Variants in PARD3 observed in about 807,000 individuals in gnomAD.
The protein encoded by PARD3 is partitioning defective 3 homolog.
In PARD3, 75 loss-of-function variants were observed where a neutral mutation model predicts 155.4. The ratio of observed to expected loss-of-function variants is 0.48; its 90% confidence interval spans 0.40 to 0.58. PARD3 has a LOEUF of 0.58. Ranked by LOEUF, PARD3 falls within the 20% of genes least tolerant of loss-of-function variation. The probability of loss-of-function intolerance (pLI) is 0.00; values close to 1 mark genes in which losing one functional copy is unlikely to be tolerated. For synonymous variants in PARD3, 576 were observed against 610.5 expected, an observed-to-expected ratio of 0.94 and a Z score of 0.83; for missense variants, 1,642 against 1,721.7, an observed-to-expected ratio of 0.95 and a Z score of 0.82.
intron 5 of PARD3, among the ~76,000 whole-genome samples, chr10:34,414,241 G>A (rs1845424052): frequency 6.6e-6 from 1 of 151,790 alleles, no homozygotes; most frequent in Non-Finnish European, 1.5e-5. Flanking sequence ...AAAGGGAGGG[G>A]GGAGAAACAA....
At chr10:34,142,302 G>A (rs1209219723) in intron 22 of PARD3, among the ~76,000 whole-genome samples, 1 of 152,122 alleles carries the variant, frequency 6.6e-6, no homozygotes, top group Non-Finnish European at 1.5e-5. Flanking sequence ...CAACACTTTG[G>A]GTGGCCAAGA....
chr10:34,304,784 C>T (rs1158224494), intron 20 of PARD3, among the ~76,000 whole-genome samples: 1 of 152,158 alleles, frequency 6.6e-6, no homozygotes, highest in Non-Finnish European at 1.5e-5. Context: ...TTATTGAAAA[C>T]AATGTTCTCT....
intron 20 of PARD3, among the ~76,000 whole-genome samples, chr10:34,303,162 ATTT>A (rs5784409): frequency 0.44 from 57,656 of 131,936 alleles, 11,638 homozygotes; most frequent in Middle Eastern, 0.58. Flanking sequence ...GCCCAGGTGA[ATTT>A]TTTTTTTTTT....
chr10:34,489,830 T>A (rs993732248), intron 3 of PARD3, among the ~76,000 whole-genome samples: 23 of 152,342 alleles, frequency 1.5e-4, no homozygotes, highest in African/African-American at 5.5e-4. Context: ...ACTGATCAAA[T>A]CCTCAGAATA....
intron 22 of PARD3, among the ~76,000 whole-genome samples, chr10:34,256,131 T>G (rs1258965240): frequency 6.6e-6 from 1 of 152,272 alleles, no homozygotes; most frequent in Non-Finnish European, 1.5e-5. Flanking sequence ...GTTCGGAATA[T>G]CATATCTTTC....
At chr10:34,115,864 C>G (rs1358879379) in intron 24 of PARD3, among the ~76,000 whole-genome samples, 1 of 152,038 alleles carries the variant, frequency 6.6e-6, no homozygotes, top group East Asian at 1.9e-4. Flanking sequence ...ACGCGCCCAC[C>G]ACCAAGCCTG....
intron 15 of PARD3, 106 bp from the exon 16 acceptor site, chr10:34,341,922 T>C: frequency 1.5e-6 from 1 of 654,610 alleles, no homozygotes; most frequent in East Asian, 2.7e-5. Flanking sequence ...ATTTTCCACA[T>C]ATCTGCTCAA....
intron 3 of PARD3, among the ~76,000 whole-genome samples, chr10:34,506,655 T>C (rs903754194): frequency 6.6e-6 from 1 of 152,222 alleles, no homozygotes; most frequent in African/African-American, 2.4e-5. Context: ...ATCACTTACA[T>C]GTTATTAATG....
intron 1 of PARD3, among the ~76,000 whole-genome samples, chr10:34,722,982 G>A (rs186881355): frequency 2.0e-5 from 3 of 152,210 alleles, no homozygotes; most frequent in African/African-American, 7.2e-5. Flanking sequence ...GGTACATGGA[G>A]GTATGTTATT....
chr10:34,714,835 T>C (rs1328022484), intron 1 of PARD3, among the ~76,000 whole-genome samples: 1 of 150,348 alleles, frequency 6.7e-6, no homozygotes, highest in Admixed American at 6.7e-5. Flanking sequence ...AGGGCAGTGG[T>C]GCATTCTTGG....
At chr10:34,726,494 AATC>A (rs200383985) in intron 1 of PARD3, among the ~76,000 whole-genome samples, 1,675 of 152,308 alleles carry the variant, frequency 0.011, 28 homozygotes, top group African/African-American at 0.039. Context: ...GCTGAGGCAG[AATC>A]GCTCGAGCCC....
At chr10:34,374,822 A>T in intron 11 of PARD3, 52 bp downstream of exon 11, 1 of 1,580,652 alleles carries the variant, frequency 6.3e-7, no homozygotes, top group Non-Finnish European at 8.6e-7. Flanking sequence ...ACTAACCCAG[A>T]CCCCTGGCTG....
intron 3 of PARD3, among the ~76,000 whole-genome samples, chr10:34,507,072 C>T (rs1308342252): frequency 6.6e-6 from 1 of 152,170 alleles, no homozygotes; most frequent in African/African-American, 2.4e-5. Context: ...GCTTCCAACA[C>T]CCCACAGTAG....
At chr10:34,694,660 C>T (rs1037664459) in intron 2 of PARD3, among the ~76,000 whole-genome samples, 2 of 151,688 alleles carry the variant, frequency 1.3e-5, no homozygotes, top group Non-Finnish European at 2.9e-5. Context: ...TTAATAGAGA[C>T]GGGGTTTCAC....
chr10:34,413,103 T>C (rs879115096), intron 5 of PARD3, among the ~76,000 whole-genome samples: 4 of 148,848 alleles, frequency 2.7e-5, no homozygotes, highest in Admixed American at 2.7e-4. Flanking sequence ...AACAGAAATT[T>C]TCTCTCTTGA....
At position 34,508,707 on chromosome 10, in the gene PARD3, A is replaced by G. The variant is rs370619643; in HGVS notation, c.403+8272T>C. ...AATGTATATCACAGACATGGTTCCA[A>G]TTTGACTCTGTAAAAGTTCCACTCC... On this transcript the variant is annotated intron_variant, in intron 3 of 24. Coordinates refer to ENST00000374788, the MANE Select transcript of PARD3 (RefSeq NM_001184785.2). Among the ~76,000 whole-genome samples, 4 of 152,320 alleles carry G rather than the reference A, an allele frequency of 2.6e-5. No individual in the cohort carries two copies. The East Asian group carries it at 7.7e-4, about 29-fold the overall frequency.
At chr10:34,286,406 A>G (rs1956392955) in intron 20 of PARD3, among the ~76,000 whole-genome samples, 1 of 152,244 alleles carries the variant, frequency 6.6e-6, no homozygotes, top group South Asian at 2.1e-4. Context: ...TAAGGGGGAA[A>G]GCAAAGCAGA....
At chr10:34,644,342 A>G (rs186759242) in intron 2 of PARD3, among the ~76,000 whole-genome samples, 1 of 152,228 alleles carries the variant, frequency 6.6e-6, no homozygotes, top group African/African-American at 2.4e-5. Flanking sequence ...TTAATATTTT[A>G]AAACTGCTTC....
At chr10:34,509,246 C>T (rs994851169) in intron 3 of PARD3, among the ~76,000 whole-genome samples, 2 of 152,038 alleles carry the variant, frequency 1.3e-5, no homozygotes, top group Non-Finnish European at 2.9e-5. Flanking sequence ...TACCTGGGAG[C>T]ATGCAAAGAC....
Sources: allele counts gnomAD v4.1 joint callset (sites outside exome capture counted in the v4.1 genomes callset), GRCh38; gene constraint gnomAD v4.1.1; transcripts MANE v1.5; gene names NCBI Gene and HGNC (gene_info 2026-07-23, HGNC 2026-07-21).